CCT7: variants seen among roughly 807,000 people sequenced by gnomAD.
CCT7 encodes the protein chaperonin containing TCP1 subunit 7, also known as T-complex protein 1 subunit eta.
CCT7 carries 16 observed loss-of-function variants against 56.6 expected under a neutral mutation model. The ratio of observed to expected loss-of-function variants is 0.28; its 90% CI spans 0.19 to 0.43. CCT7 has a LOEUF of 0.43. Among genes scored for constraint, CCT7 ranks in the 20% least tolerant of loss-of-function variants. CCT7 has a pLI of 1.00. For missense variants in CCT7, 519 were observed against 685.6 expected, an observed-to-expected ratio of 0.76 and a Z score of 2.71; for synonymous variants, 262 against 254.8, an observed-to-expected ratio of 1.03 and a Z score of -0.27.
In CCT7 at chr2:73,234,375, C is replaced by G. The variant is rs1250911845; in HGVS notation, c.-4C>G. The G allele has an allele frequency of 7.4e-6, 12 of 1,613,416 alleles. No homozygotes were observed. Among genetic ancestry groups the G allele is most frequent in the South Asian group, 2.2e-5 (2 of 91,086 alleles). On this transcript the variant is annotated 5_prime_UTR_variant, in exon 1 of 12. Transcript: ENST00000258091. The stretch of plus-strand genomic sequence containing the variant: ...AGTGGCGGGCCGCTGAATAAGCTTC[C>G]AAAATGATGGTGAGTGGCGTCTCGC...
chr2:73,247,693 G>C (rs1415540745), intron 6 of CCT7, 69 bp from the exon 7 acceptor site: 3 of 1,437,934 alleles, frequency 2.1e-6, no homozygotes, highest in Non-Finnish European at 1.9e-6. Flanking sequence ...GCACTAGCCA[G>C]CAAACAACTA....
chr2:73,245,225 T>C (rs1008672183), intron 6 of CCT7, among the ~76,000 whole-genome samples: 1 of 152,264 alleles, frequency 6.6e-6, no homozygotes, highest in African/African-American at 2.4e-5. Context: ...CAGAATTACT[T>C]TGTGCATATA....
intron 11 of CCT7, among the ~76,000 whole-genome samples, chr2:73,252,323 T>TTATATA (rs1687625965): frequency 1.8e-5 from 2 of 108,520 alleles, no homozygotes; most frequent in African/African-American, 9.1e-5. Flanking sequence ...ACTCATTGTT[T>TTATATA]GATATATATA....
intron 8 of CCT7, 121 bp downstream of exon 8, chr2:73,249,300 TTAACTC>T: frequency 1.4e-6 from 1 of 739,150 alleles, no homozygotes; most frequent in African/African-American, 1.8e-5. Context: ...TTTTTTTTTT[TTAACTC>T]TTTTTTTTCC....
chr2:73,250,560 G>T (rs1432584790), intron 10 of CCT7, 122 bp downstream of exon 10: 1 of 1,151,434 alleles, frequency 8.7e-7, no homozygotes, highest in Admixed American at 2.1e-5. Context: ...GGGTGGTGTG[G>T]TGAGCCCTGA....
chr2:73,235,285 T>G (rs1686828363), intron 1 of CCT7, among the ~76,000 whole-genome samples: 1 of 152,126 alleles, frequency 6.6e-6, no homozygotes, highest in South Asian at 2.1e-4. Flanking sequence ...TCTCCTGGGT[T>G]GTTATTGAGT....
In CCT7 at chr2:73,240,455, A is replaced by G. The variant is rs773600513; in HGVS notation, c.179A>G (p.Asn60Ser). 2 of 1,611,714 alleles carry G rather than the reference A, an allele frequency of 1.2e-6. No homozygotes were observed. Among genetic ancestry groups the G allele is most frequent in the Admixed American group, 1.7e-5 (1 of 59,736 alleles). Residue 60 changes from asparagine to serine, a missense_variant, in exon 3 of 12, where the codon AAT becomes AGT. This residue lies in a region of CCT7 where 276 missense variants were observed against 357.3 expected (regional missense o/e 0.77). Coordinates refer to ENST00000258091, the MANE Select transcript of CCT7 (RefSeq NM_006429.4). ...TTTTAAGGCAAAGCAACAATTTCTAATGATGGGGCCACAATTCTGAAACTT... is the reference window on the plus strand; with the variant it reads ...TTTTAAGGCAAAGCAACAATTTCTAGTGATGGGGCCACAATTCTGAAACTT... ...VDGRGKATIS[N>S]DGATILKLLD...
intron 10 of CCT7, 136 bp from the exon 11 acceptor site, chr2:73,251,090 C>T (rs1340061167): frequency 4.1e-6 from 3 of 736,814 alleles, no homozygotes; most frequent in East Asian, 2.6e-5. Context: ...GGGGCTGTGT[C>T]TGGGCGTTTG....
At chr2:73,246,849 A>G (rs1027975447) in intron 6 of CCT7, among the ~76,000 whole-genome samples, 3 of 152,222 alleles carry the variant, frequency 2.0e-5, no homozygotes, top group East Asian at 1.9e-4. Context: ...GTGGATTTGA[A>G]TGATGCAGGA....
rs368085120 is a variant in CCT7, at chr2:73,242,425, G to A, written c.268-579G>A. On this transcript the variant is annotated intron_variant, in intron 3 of 11. Transcript: ENST00000258091. ...CTCCTGAGTAGCTGGGATTACAGGC[G>A]CCCGCCATCACGCCCAGCTAATTTT... Among the ~76,000 whole-genome samples, 395 of 152,110 alleles carry A rather than the reference G, an allele frequency of 2.6e-3. 1 individual carries two copies. The highest frequency in any genetic ancestry group is 9.0e-3 in the African/African-American group (375 of 41,504).
intron 4 of CCT7, 158 bp downstream of exon 4, chr2:73,243,287 G>T (rs1240609338): frequency 2.7e-6 from 2 of 743,404 alleles, no homozygotes; most frequent in African/African-American, 3.5e-5. Context: ...CTAATCTGTA[G>T]CCATTTGATG....
At chr2:73,244,487 C>G (rs1402165614) in intron 5 of CCT7, 57 bp from the exon 6 acceptor site, 40 of 1,459,942 alleles carry the variant, frequency 2.7e-5, no homozygotes, top group Non-Finnish European at 3.8e-5. Flanking sequence ...GTAGTAGAAT[C>G]AGATAAGAGG....
rs1245390178 is a variant in CCT7, at chr2:73,251,220, C to G, written c.1204-6C>G. Reference sequence around the variant, plus strand: ...CTTACATTGAGAGGTGGTCTGATCTCTGCAGAATGATTCAGTGGTGGCTGG... The same window carrying G: ...CTTACATTGAGAGGTGGTCTGATCTGTGCAGAATGATTCAGTGGTGGCTGG... On this transcript the variant is annotated splice_region_variant and splice_polypyrimidine_tract_variant and intron_variant, in intron 10 of 11. Coordinates refer to ENST00000258091, the MANE Select transcript of CCT7 (RefSeq NM_006429.4). The G allele has an allele frequency of 6.2e-7, 1 of 1,614,026 alleles. No individual in the cohort carries two copies. The highest frequency in any genetic ancestry group is 8.5e-7 in the Non-Finnish European group (1 of 1,179,950).
intron 10 of CCT7, 70 bp downstream of exon 10, chr2:73,250,508 AT>A: frequency 1.9e-6 from 3 of 1,566,680 alleles, no homozygotes; most frequent in Non-Finnish European, 2.6e-6. Context: ...CAGACCTTGG[AT>A]TTGTGTGGTG....
intron 9 of CCT7, 23 bp downstream of exon 9, chr2:73,249,939 G>T (rs1293318880): frequency 6.6e-7 from 1 of 1,522,500 alleles, no homozygotes. Flanking sequence ...CCCAGGCCGA[G>T]CTCACAAACC....
Position 73,240,418 on chromosome 2 carries a change from T to A in CCT7, c.161-19T>A, listed in dbSNP as rs755650371. 6.3e-7 allele frequency: 1 copy of A among 1,589,494 alleles called. No individual in the cohort carries two copies. Among genetic ancestry groups the A allele is most frequent in the Non-Finnish European group, 8.6e-7 (1 of 1,159,824 alleles). Reference sequence around the variant, plus strand: ...GCATTTAAGAAAGGGGCTTTAGATTTTTGTTTGTTTCTTTTAAGGCAAAGC... The same window carrying A: ...GCATTTAAGAAAGGGGCTTTAGATTATTGTTTGTTTCTTTTAAGGCAAAGC... On this transcript the variant is annotated intron_variant, in intron 2 of 11. Coordinates refer to ENST00000258091, the MANE Select transcript of CCT7 (RefSeq NM_006429.4).
At chr2:73,246,213 C>T (rs1232417571) in intron 6 of CCT7, among the ~76,000 whole-genome samples, 1 of 152,200 alleles carries the variant, frequency 6.6e-6, no homozygotes, top group East Asian at 1.9e-4. Flanking sequence ...CTTTAGTACT[C>T]ACCTCTCCTC....
chr2:73,244,249 A>G (rs1017726590), intron 5 of CCT7, 200 bp downstream of exon 5: 3 of 634,738 alleles, frequency 4.7e-6, no homozygotes, highest in Admixed American at 2.9e-5. Flanking sequence ...ATGCAGAAGC[A>G]TGCTGCAATC....
intron 7 of CCT7, among the ~76,000 whole-genome samples, chr2:73,248,351 C>CTT (rs369535226): frequency 2.8e-5 from 4 of 144,602 alleles, no homozygotes; most frequent in African/African-American, 1.0e-4. Flanking sequence ...GGGAAGGGGT[C>CTT]TTTTTTTTTT....
Sources: allele counts gnomAD v4.1 joint callset (sites outside exome capture counted in the v4.1 genomes callset), GRCh38; gene constraint gnomAD v4.1.1; regional missense constraint gnomAD v4.1.1; transcripts MANE v1.5; gene names NCBI Gene and HGNC (gene_info 2026-07-23, HGNC 2026-07-21).